The following CHD1 variants were observed in gnomAD, a reference collection of about 807,000 sequenced individuals.
CHD1 encodes the protein chromodomain helicase DNA binding protein 1, also known as ATP-dependent chromatin remodeler CHD1.
A neutral mutation model predicts 224.2 loss-of-function variants in CHD1; 36 were observed. The ratio of observed to expected loss-of-function variants is 0.16; its 90% CI spans 0.12 to 0.21. The LOEUF is 0.21. Among genes scored for constraint, CHD1 ranks in the 10% least tolerant of loss-of-function variants. The pLI, the probability that CHD1 is intolerant of heterozygous loss-of-function variation, is 1.00. For synonymous variants in CHD1, 668 were observed against 658.3 expected, an observed-to-expected ratio of 1.01 and a Z score of -0.23; for missense variants, 1,378 against 1,994.8, an observed-to-expected ratio of 0.69 and a Z score of 5.89.
intron 28 of CHD1, among the ~76,000 whole-genome samples, chr5:98,871,236 G>A (rs1749308095): frequency 6.6e-6 from 1 of 151,536 alleles, no homozygotes; most frequent in African/African-American, 2.4e-5. Context: ...ACACTGGGAG[G>A]AAAGTTTTAC....
intron 8 of CHD1, 123 bp from the exon 9 acceptor site, chr5:98,898,887 G>A: frequency 4.7e-6 from 3 of 637,266 alleles, no homozygotes; most frequent in South Asian, 3.8e-5. Context: ...GGCCAAGTTT[G>A]AGTAATAAAG....
intron 32 of CHD1, 121 bp downstream of exon 32, chr5:98,863,287 T>C (rs1284467888): frequency 1.3e-5 from 7 of 543,586 alleles, no homozygotes; most frequent in Admixed American, 3.9e-5. Context: ...CAATCATCTG[T>C]AGGTTACCTC....
At chr5:98,870,627 T>C (rs1258555150) in intron 29 of CHD1, 60 bp downstream of exon 29, 1 of 897,994 alleles carries the variant, frequency 1.1e-6, no homozygotes. Context: ...CATGGTGAAG[T>C]AAACAAAATT....
Position 98,881,001 on chromosome 5 carries a change from T to G in CHD1, c.3060+75A>C. 3.5e-6 allele frequency: 3 copies of G among 867,480 alleles called. No homozygotes were observed. In the South Asian group the frequency reaches 4.4e-5, roughly 13 times the overall value. The allele number at this position is 867,480 out of a possible 1,614,324, so 53.7% of individuals were successfully genotyped here. On this transcript the variant is annotated intron_variant, in intron 22 of 35. Transcript: ENST00000614616. ...TTCCTGATTATGCTTAAAGAAAGATTAACAAACCACTAAATGACATAACTC... is the reference window on the plus strand; with the variant it reads ...TTCCTGATTATGCTTAAAGAAAGATGAACAAACCACTAAATGACATAACTC...
At position 98,855,253 on chromosome 5, in the gene CHD1, C is replaced by A. The variant is rs1186971372; in HGVS notation, c.*1127G>T. 6.6e-6 allele frequency: 1 copy of A among 152,504 alleles called. No homozygotes were observed. Among genetic ancestry groups the A allele is most frequent in the Non-Finnish European group, 1.5e-5 (1 of 68,002 alleles). The allele number at this position is 152,504 out of a possible 1,614,324, so 9.4% of individuals were successfully genotyped here. On this transcript the variant is annotated 3_prime_UTR_variant, in exon 36 of 36. Coordinates refer to ENST00000614616, the MANE Select transcript of CHD1 (RefSeq NM_001270.4). The stretch of plus-strand genomic sequence containing the variant: ...CATATATAACGTTTTTATATACAAT[C>A]AGTGTGCATTGTAACAGTTTATATT...
chr5:98,877,716 C>T (rs891555677), intron 23 of CHD1, among the ~76,000 whole-genome samples: 1 of 151,986 alleles, frequency 6.6e-6, no homozygotes, highest in Non-Finnish European at 1.5e-5. Flanking sequence ...AGATCTAATG[C>T]AATGCTGCAT....
Position 98,896,259 on chromosome 5 carries a change from C to T in CHD1, c.1677G>A (p.Val559=), listed in dbSNP as rs1484170776. The part of the protein sequence containing the change: ...IQTWASQMNA[V]VYLGDINSRN... ...TGCTGTTAATGTCACCTAAATAAAC[C>T]ACAGCATTCATTTGAGAAGCCCAAG... The change falls in exon 12 of 36, where the codon GTG becomes GTA. Residue 559 remains valine (V), a synonymous_variant. Transcript: ENST00000614616. 2 of 1,613,906 alleles carry T rather than the reference C, an allele frequency of 1.2e-6. No individual in the cohort carries two copies. The highest frequency in any genetic ancestry group is 1.7e-6 in the Non-Finnish European group (2 of 1,179,878).
chr5:98,876,436 C>T lies in CHD1; in HGVS notation c.3360G>A (p.Arg1120=), dbSNP rs1749763016. The T allele has an allele frequency of 3.7e-6, 6 of 1,613,936 alleles. No homozygotes were observed. The highest frequency in any genetic ancestry group is 2.2e-5 in the South Asian group (2 of 91,086). The change falls in exon 24 of 36, where the codon CGG becomes CGA. Residue 1120 remains arginine (R), a synonymous_variant. Coordinates refer to ENST00000614616, the MANE Select transcript of CHD1 (RefSeq NM_001270.4). ...KKRGRPRTIP[R]ENIKGFSDAE... Reference sequence around the variant, plus strand: ...CATCACTAAATCCTTTAATATTCTCCCGAGGAATAGTCCGTGGTCTTCCAC... The same window carrying T: ...CATCACTAAATCCTTTAATATTCTCTCGAGGAATAGTCCGTGGTCTTCCAC...
Position 98,860,199 on chromosome 5 carries a change from G to C in CHD1, c.4428-131C>G, listed in dbSNP as rs777406264. 13 of 666,310 alleles carry C rather than the reference G, an allele frequency of 2.0e-5. No individual in the cohort carries two copies. In the South Asian group the frequency reaches 2.0e-4, roughly 10 times the overall value. 41.3% of individuals were successfully genotyped at this position (666,310 alleles called of 1,614,324 possible). A position where few individuals can be genotyped will look rare whatever the true frequency, so the allele number is the denominator to read the frequency against. On this transcript the variant is annotated intron_variant, in intron 32 of 35. Transcript: ENST00000614616. ...AGCCCTCTATGGAACAAACTCTTAAGGATATTAATTTTCCTATGCATTTTT... is the reference window on the plus strand; with the variant it reads ...AGCCCTCTATGGAACAAACTCTTAACGATATTAATTTTCCTATGCATTTTT...
Position 98,854,098 on chromosome 5 carries a change from A to G in CHD1, c.*2282T>C, listed in dbSNP as rs1747861786. On this transcript the variant is annotated 3_prime_UTR_variant, in exon 36 of 36. Coordinates refer to ENST00000614616, the MANE Select transcript of CHD1 (RefSeq NM_001270.4). Reference sequence around the variant, plus strand: ...AACTGGATAAAAATAACAAAGCAGAATGAAAACAGAATATTTTATGGAGAA... The same window carrying G: ...AACTGGATAAAAATAACAAAGCAGAGTGAAAACAGAATATTTTATGGAGAA... The G allele has an allele frequency of 6.6e-6, 1 of 152,068 alleles. No individual in the cohort carries two copies. Among genetic ancestry groups the G allele is most frequent in the Non-Finnish European group, 1.5e-5 (1 of 67,896 alleles). 9.4% of individuals were successfully genotyped at this position (152,068 alleles called of 1,614,324 possible).
intron 4 of CHD1, among the ~76,000 whole-genome samples, chr5:98,903,414 ATTATG>A (rs1348936817): frequency 3.9e-5 from 6 of 152,192 alleles, no homozygotes; most frequent in Non-Finnish European, 8.8e-5. Flanking sequence ...TTTCAAAAAT[ATTATG>A]TTGAGATTTC....
At chr5:98,896,495 A>T in intron 11 of CHD1, 53 bp from the exon 12 acceptor site, 1 of 1,264,658 alleles carries the variant, frequency 7.9e-7, no homozygotes, top group Non-Finnish European at 1.1e-6. Flanking sequence ...ATATACAAAG[A>T]AACCTTTTTA....
chr5:98,874,750 C>G (rs1404436942), intron 25 of CHD1, among the ~76,000 whole-genome samples: 3 of 151,240 alleles, frequency 2.0e-5, no homozygotes, highest in Non-Finnish European at 2.9e-5. Context: ...CAACTCAGCC[C>G]CTCTATGGAT....
chr5:98,923,957 T>C (rs71636353), intron 2 of CHD1, among the ~76,000 whole-genome samples: 119 of 152,108 alleles, frequency 7.8e-4, no homozygotes, highest in Non-Finnish European at 9.1e-4. Context: ...ATTCCAACTA[T>C]GAATAAGAAA....
Position 98,897,330 on chromosome 5 carries a change from A to C in CHD1, c.1366-10T>G. On this transcript the variant is annotated splice_polypyrimidine_tract_variant and intron_variant, in intron 10 of 35. Transcript: ENST00000614616. Reference sequence around the variant, plus strand: ...GCCTTTGTTTTAATACCTTTAGTAGAAATAAACATTATTATGTAGAGTTAT... The same window carrying C: ...GCCTTTGTTTTAATACCTTTAGTAGCAATAAACATTATTATGTAGAGTTAT... 3 of 1,557,066 alleles carry C rather than the reference A, an allele frequency of 1.9e-6. No homozygotes were observed. The highest frequency in any genetic ancestry group is 2.6e-6 in the Non-Finnish European group (3 of 1,140,104).
rs375811985 is a variant in CHD1, at chr5:98,866,107, T to C, written c.4248+2388A>G. On this transcript the variant is annotated intron_variant, in intron 31 of 35. Coordinates refer to ENST00000614616, the MANE Select transcript of CHD1 (RefSeq NM_001270.4). ...TGACTCCCACCCAATACAGAGTAGGTAAAAAACAAAAACAAAAACAAAAAA... is the reference window on the plus strand; with the variant it reads ...TGACTCCCACCCAATACAGAGTAGGCAAAAAACAAAAACAAAAACAAAAAA... Among the ~76,000 whole-genome samples the C allele has an allele frequency of 3.6e-4, 55 of 151,622 alleles. No homozygotes were observed. The East Asian group carries it at 7.4e-3, about 20-fold the overall frequency.
At chr5:98,884,535 A>C (rs913109891) in intron 18 of CHD1, among the ~76,000 whole-genome samples, 5 of 152,100 alleles carry the variant, frequency 3.3e-5, no homozygotes, top group African/African-American at 4.8e-5. Context: ...GTGAGCGATA[A>C]AAGACTACAA....
chr5:98,911,141 AAAAAAATATATATAT>A (rs1262714852), intron 2 of CHD1, among the ~76,000 whole-genome samples: 3 of 114,762 alleles, frequency 2.6e-5, no homozygotes, highest in African/African-American at 7.7e-5. Context: ...AAAAAAAAAA[AAAAAAATATATATAT>A]ATATATATAT....
At position 98,926,507 on chromosome 5, in the gene CHD1, G is replaced by A; in HGVS notation, c.-121C>T. 1 of 472,872 alleles carries A rather than the reference G, an allele frequency of 2.1e-6. No individual in the cohort carries two copies. Among genetic ancestry groups the A allele is most frequent in the South Asian group, 4.6e-5 (1 of 21,532 alleles). 29.3% of individuals were successfully genotyped at this position (472,872 alleles called of 1,614,324 possible). A position where few individuals can be genotyped will look rare whatever the true frequency, so the allele number is the denominator to read the frequency against. ...AGATGAATTTTCTTCAACAGTCACA[G>A]GTTTTCTGGGACTCTCCTTTGATTC... On this transcript the variant is annotated 5_prime_UTR_variant, in exon 2 of 36. Transcript: ENST00000614616.
Sources: allele counts gnomAD v4.1 joint callset (sites outside exome capture counted in the v4.1 genomes callset), GRCh38; gene constraint gnomAD v4.1.1; transcripts MANE v1.5; gene names NCBI Gene and HGNC (gene_info 2026-07-23, HGNC 2026-07-21).